SLC2A13: variants seen among roughly 807,000 people sequenced by gnomAD.
SLC2A13 encodes the protein solute carrier family 2 member 13, also known as proton myo-inositol cotransporter.
Under a neutral mutation model 64.4 loss-of-function variants are expected in SLC2A13, and 32 were observed. That is an observed-to-expected ratio of 0.50 (90% CI 0.37 to 0.67). SLC2A13 has a LOEUF of 0.67. SLC2A13 is among the 30% of genes least tolerant of loss of function. SLC2A13 has a pLI of 0.00. For synonymous variants in SLC2A13, 338 were observed against 327.1 expected, an observed-to-expected ratio of 1.03 and a Z score of -0.36; for missense variants, 743 against 829.2, an observed-to-expected ratio of 0.90 and a Z score of 1.28.
chr12:39,880,999 A>G (rs1008184519), intron 4 of SLC2A13, among the ~76,000 whole-genome samples: 1 of 152,252 alleles, frequency 6.6e-6, no homozygotes, highest in Non-Finnish European at 1.5e-5. Flanking sequence ...AATTGTATGT[A>G]TAACAGGTTA....
At chr12:39,998,170 T>C (rs1403351998) in intron 3 of SLC2A13, among the ~76,000 whole-genome samples, 1 of 152,200 alleles carries the variant, frequency 6.6e-6, no homozygotes, top group African/African-American at 2.4e-5. Context: ...TATGTATATA[T>C]ATATGTATAC....
chr12:40,092,725 G>A (rs998367244), intron 1 of SLC2A13, among the ~76,000 whole-genome samples: 1 of 152,156 alleles, frequency 6.6e-6, no homozygotes, highest in Non-Finnish European at 1.5e-5. Context: ...TTCAACTTCC[G>A]TATCTCCATT....
Position 39,895,823 on chromosome 12 carries a change from TATATGCGTGTATATGC to T in SLC2A13, c.1035-23878_1035-23863del, listed in dbSNP as rs1234429260. On this transcript the variant is annotated intron_variant, in intron 4 of 9. Coordinates refer to ENST00000280871, the MANE Select transcript of SLC2A13 (RefSeq NM_052885.4). ...ATATGCGTGTATACGTACACACATG[TATATGCGTGTATATGC>T]ACACACATATGTATATGCGTGTATA... Among the ~76,000 whole-genome samples, 184 of 103,150 alleles carry T rather than the reference TATATGCGTGTATATGC, an allele frequency of 1.8e-3. 7 individuals carry two copies. The highest frequency in any genetic ancestry group is 0.01 in the East Asian group (25 of 2,496). The allele number at this position is 103,150 out of a possible 152,430, so 67.7% of individuals were successfully genotyped here. A position where few individuals can be genotyped will look rare whatever the true frequency, so the allele number is the denominator to read the frequency against.
At chr12:39,876,200 C>G (rs79877717) in intron 4 of SLC2A13, among the ~76,000 whole-genome samples, 326 of 152,242 alleles carry the variant, frequency 2.1e-3, no homozygotes, top group African/African-American at 7.6e-3. Flanking sequence ...CGGAAATCTA[C>G]GTGCATTGCT....
chr12:39,907,006 T>C (rs940722174), intron 4 of SLC2A13, among the ~76,000 whole-genome samples: 1 of 152,152 alleles, frequency 6.6e-6, no homozygotes, highest in African/African-American at 2.4e-5. Context: ...CCAGTGTATA[T>C]AGTGAGTTAT....
chr12:39,958,033 CA>C (rs1301917968), intron 3 of SLC2A13, among the ~76,000 whole-genome samples: 2 of 152,202 alleles, frequency 1.3e-5, no homozygotes, highest in Non-Finnish European at 2.9e-5. Flanking sequence ...CAGGTACATA[CA>C]AAACAGAAGT....
chr12:39,891,316 T>A (rs1944602799), intron 4 of SLC2A13, among the ~76,000 whole-genome samples: 1 of 151,670 alleles, frequency 6.6e-6, no homozygotes, highest in South Asian at 2.1e-4. Context: ...ACTCCTCCAC[T>A]GAACTCTCAG....
chr12:39,859,837 G>A (rs1383355795), intron 6 of SLC2A13, among the ~76,000 whole-genome samples: 2 of 151,960 alleles, frequency 1.3e-5, no homozygotes, highest in Admixed American at 1.3e-4. Context: ...TAATTGAGAA[G>A]TATTAAAAAG....
At chr12:39,862,062 G>A (rs151200784) in intron 6 of SLC2A13, among the ~76,000 whole-genome samples, 54 of 152,260 alleles carry the variant, frequency 3.5e-4, no homozygotes, top group African/African-American at 1.2e-3. Flanking sequence ...GCCAGTGTGT[G>A]TAGTTAGTTC....
At chr12:40,087,178 A>C (rs561969152) in intron 1 of SLC2A13, among the ~76,000 whole-genome samples, 3 of 152,310 alleles carry the variant, frequency 2.0e-5, no homozygotes, top group African/African-American at 7.2e-5. Context: ...AAAGTCTTAA[A>C]AGCAAGTAAT....
chr12:39,918,650 G>A (rs950336101), intron 4 of SLC2A13, among the ~76,000 whole-genome samples: 1 of 152,024 alleles, frequency 6.6e-6, no homozygotes, highest in Non-Finnish European at 1.5e-5. Context: ...TTGTGTAAAA[G>A]AAATATTCAA....
At chr12:40,015,759 T>C (rs942462049) in intron 3 of SLC2A13, among the ~76,000 whole-genome samples, 2 of 152,078 alleles carry the variant, frequency 1.3e-5, no homozygotes, top group Admixed American at 1.3e-4. Context: ...CAGCAAAATA[T>C]AAAGGCAGAT....
chr12:40,031,035 T>C (rs1368396708), intron 2 of SLC2A13, among the ~76,000 whole-genome samples: 1 of 152,216 alleles, frequency 6.6e-6, no homozygotes, highest in Non-Finnish European at 1.5e-5. Context: ...ATGAGAAAGC[T>C]TATTTTGTTT....
At chr12:39,947,451 A>G (rs1208629423) in intron 4 of SLC2A13, among the ~76,000 whole-genome samples, 1 of 152,208 alleles carries the variant, frequency 6.6e-6, no homozygotes, top group Non-Finnish European at 1.5e-5. Flanking sequence ...AGATGTTATC[A>G]AACCCACATA....
At position 40,056,002 on chromosome 12, in the gene SLC2A13, AAAAC is replaced by A. The variant is rs1948328327; in HGVS notation, c.557-7796_557-7793del. Among the ~76,000 whole-genome samples the A allele has an allele frequency of 2.0e-5, 3 of 150,310 alleles. No individual in the cohort carries two copies. In the South Asian group the frequency reaches 6.2e-4, roughly 31 times the overall value. ...CAAAAAAAACAAACAAAAAAAAAAC[AAAAC>A]AAACAACAAAAAAAAACACCAGCCA... On this transcript the variant is annotated intron_variant, in intron 1 of 9. Transcript: ENST00000280871.
In SLC2A13 at chr12:39,757,179, A is replaced by G. The variant is rs1367411067; in HGVS notation, c.*2847T>C. ...AGTGCAGATCAGACATCCAGCCTCA[A>G]TAGGGATTTGGACCTTCTTCATTGT... On this transcript the variant is annotated 3_prime_UTR_variant, in exon 10 of 10. Coordinates refer to ENST00000280871, the MANE Select transcript of SLC2A13 (RefSeq NM_052885.4). 5 of 151,784 alleles carry G rather than the reference A, an allele frequency of 3.3e-5. No homozygotes were observed. Among genetic ancestry groups the G allele is most frequent in the Non-Finnish European group, 7.4e-5 (5 of 67,702 alleles). The allele number at this position is 151,784 out of a possible 1,614,324, so 9.4% of individuals were successfully genotyped here.
chr12:40,095,808 C>T (rs1938920840), intron 1 of SLC2A13, among the ~76,000 whole-genome samples: 1 of 152,176 alleles, frequency 6.6e-6, no homozygotes, highest in African/African-American at 2.4e-5. Context: ...GCATGTTAAA[C>T]ATGTCAGCTT....
At chr12:40,078,444 GATT>G (rs1390413693) in intron 1 of SLC2A13, among the ~76,000 whole-genome samples, 1 of 152,278 alleles carries the variant, frequency 6.6e-6, no homozygotes, top group African/African-American at 2.4e-5. Context: ...AAATCACATA[GATT>G]TCCATATGTT....
At chr12:40,066,899 G>A (rs923961283) in intron 1 of SLC2A13, among the ~76,000 whole-genome samples, 1 of 152,162 alleles carries the variant, frequency 6.6e-6, no homozygotes, top group Admixed American at 6.5e-5. Flanking sequence ...CTCAAATTAT[G>A]AGATTTAAAA....
Sources: allele counts gnomAD v4.1 joint callset (sites outside exome capture counted in the v4.1 genomes callset), GRCh38; gene constraint gnomAD v4.1.1; transcripts MANE v1.5; gene names NCBI Gene and HGNC (gene_info 2026-07-23, HGNC 2026-07-21).